Variants in LYRM4 observed in about 807,000 individuals in gnomAD.
The protein encoded by LYRM4 is LYR motif containing 4, also known as LYR motif-containing protein 4.
LYRM4 carries 9 observed loss-of-function variants against 11.7 expected under a neutral mutation model. The observed-to-expected ratio is 0.77, with a 90% CI of 0.46 to 1.34. The LOEUF (loss-of-function observed/expected upper bound fraction) is 1.34, where lower values mean the gene tolerates loss of function less well. LYRM4 is among the 40% of genes most tolerant of loss of function. The pLI is 0.00. For missense variants in LYRM4, 133 were observed against 112.5 expected, an observed-to-expected ratio of 1.18 and a Z score of -0.82; for synonymous variants, 42 against 40.4, an observed-to-expected ratio of 1.04 and a Z score of -0.15.
intron 1 of LYRM4, among the ~76,000 whole-genome samples, chr6:5,245,106 AAAAAAAAATATATATATAT>A (rs1266203709): frequency 4.8e-4 from 25 of 52,382 alleles, no homozygotes; most frequent in African/African-American, 1.7e-3. Context: ...AAAAAAAAAA[AAAAAAAAATATATATATAT>A]ATATATATAT....
At chr6:5,147,624 G>C (rs773968473) in intron 2 of LYRM4, among the ~76,000 whole-genome samples, 6 of 152,160 alleles carry the variant, frequency 3.9e-5, no homozygotes, top group African/African-American at 1.4e-4. Context: ...TTTATACATG[G>C]ATTCCTTTTC....
downstream of LYRM4, among the ~76,000 whole-genome samples, chr6:5,100,482 C>A (rs927949669): frequency 1.3e-5 from 2 of 152,016 alleles, no homozygotes; most frequent in African/African-American, 4.8e-5. Context: ...AGCAAGAATC[C>A]CAGACAGAAA....
chr6:5,124,128 G>T (rs1250517556), intron 2 of LYRM4, among the ~76,000 whole-genome samples: 16 of 152,162 alleles, frequency 1.1e-4, no homozygotes, highest in Admixed American at 1.0e-3. Context: ...AGGGCCTGGG[G>T]AATTGGCTGG....
At chr6:5,205,176 C>T (rs554680281) in intron 2 of LYRM4, among the ~76,000 whole-genome samples, 7 of 152,252 alleles carry the variant, frequency 4.6e-5, no homozygotes, top group African/African-American at 1.4e-4. Flanking sequence ...AGCAAAGTCA[C>T]AATAAAGTGT....
chr6:5,045,176 C>T, the LYRM4 span, among the ~76,000 whole-genome samples: 2 of 152,180 alleles, frequency 1.3e-5, no homozygotes, highest in Non-Finnish European at 2.9e-5. Context: ...ATCCTCCCAG[C>T]AGCATTATTC....
chr6:5,113,706 A>C (rs1762988264), intron 2 of LYRM4, among the ~76,000 whole-genome samples: 1 of 149,462 alleles, frequency 6.7e-6, no homozygotes, highest in Non-Finnish European at 1.5e-5. Flanking sequence ...ACCAGGTCCC[A>C]ACAATTTCTT....
intron 2 of LYRM4, among the ~76,000 whole-genome samples, chr6:5,193,576 GGA>G (rs1204104417): frequency 6.6e-6 from 1 of 152,196 alleles, no homozygotes; most frequent in Non-Finnish European, 1.5e-5. Flanking sequence ...GAAGTCAGAG[GGA>G]GAGTAAAGCA....
In LYRM4 at chr6:5,136,521, C is replaced by G. The variant is rs1757110094; in HGVS notation, c.208-27030G>C. On this transcript the variant is annotated intron_variant, in intron 2 of 2. Transcript: ENST00000330636. The stretch of plus-strand genomic sequence containing the variant: ...CCTGTAGTCTCAGTTTCCTTACCTA[C>G]AGAATGGGATAATGTCAATTTTACA... 4 of 952,440 alleles carry G rather than the reference C, an allele frequency of 4.2e-6. No individual in the cohort carries two copies. In the Admixed American group the frequency reaches 2.5e-4, roughly 59 times the overall value. The allele number at this position is 952,440 out of a possible 1,614,324, so 59.0% of individuals were successfully genotyped here.
At chr6:5,179,285 T>C (rs1326239985) in intron 2 of LYRM4, among the ~76,000 whole-genome samples, 2 of 152,196 alleles carry the variant, frequency 1.3e-5, no homozygotes, top group Non-Finnish European at 2.9e-5. Context: ...ACTGCAATTA[T>C]GTGTAATTTC....
At chr6:5,101,827 A>T (rs1388954929), downstream of LYRM4, among the ~76,000 whole-genome samples, 1 of 150,288 alleles carries the variant, frequency 6.7e-6, no homozygotes, top group Admixed American at 6.6e-5. Context: ...CTTTTTTTTC[A>T]CTCTGTCCCC....
intron 2 of LYRM4, among the ~76,000 whole-genome samples, chr6:5,194,036 G>C (rs1173579554): frequency 7.6e-6 from 1 of 131,972 alleles, no homozygotes; most frequent in Non-Finnish European, 1.6e-5. Flanking sequence ...ATTAGGCAGG[G>C]TTCTCCAGAG....
intron 2 of LYRM4, among the ~76,000 whole-genome samples, chr6:5,113,752 A>G (rs1312650840): frequency 6.7e-6 from 1 of 149,836 alleles, no homozygotes; most frequent in African/African-American, 2.5e-5. Context: ...TTTTTTTTAG[A>G]GACAGGTTCT....
chr6:5,078,106 G>A, the LYRM4 span, among the ~76,000 whole-genome samples: 39 of 152,304 alleles, frequency 2.6e-4, no homozygotes, highest in African/African-American at 7.7e-4. Context: ...GTAAACATAA[G>A]TAAAGCACAT....
chr6:5,126,462 G>A (rs1253188023), intron 2 of LYRM4, among the ~76,000 whole-genome samples: 2 of 152,212 alleles, frequency 1.3e-5, no homozygotes, highest in African/African-American at 4.8e-5. Flanking sequence ...GAAGTACAGT[G>A]CAAGAATGAT....
chr6:5,196,639 G>C (rs1425350592), intron 2 of LYRM4, among the ~76,000 whole-genome samples: 1 of 152,156 alleles, frequency 6.6e-6, no homozygotes, highest in Admixed American at 6.5e-5. Context: ...AAACATATTT[G>C]CATTAATCTA....
At chr6:5,063,791 C>T in the LYRM4 span, among the ~76,000 whole-genome samples, 1 of 152,228 alleles carries the variant, frequency 6.6e-6, no homozygotes, top group African/African-American at 2.4e-5. Context: ...CCCAGCCCCT[C>T]TTCAGGCTGC....
In LYRM4 at chr6:5,130,215, G is replaced by C. The variant is rs1339686992; in HGVS notation, c.208-20724C>G. ...CGTGGGCTGCAGGGGGAGTTCATGA[G>C]AGCTTTCCTCCTGGTGGACCATGCA... On this transcript the variant is annotated intron_variant, in intron 2 of 2. Transcript: ENST00000330636. 3.9e-5 allele frequency among the ~76,000 whole-genome samples: 6 copies of C among 152,340 alleles called. No homozygotes were observed. In the South Asian group the frequency reaches 1.2e-3, roughly 32 times the overall value.
At position 5,151,876 on chromosome 6, in the gene LYRM4, T is replaced by A. The variant is rs75407480; in HGVS notation, c.208-42385A>T. Among the ~76,000 whole-genome samples the A allele has an allele frequency of 3.0e-4, 46 of 152,338 alleles. No homozygotes were observed. In the East Asian group the frequency reaches 8.7e-3, roughly 29 times the overall value. ...TAACAAATAGAAGATAAGTTTTTCC[T>A]TGTTCTTTTCTACCAGTATTTTTCC... On this transcript the variant is annotated intron_variant, in intron 2 of 2. Coordinates refer to ENST00000330636, the MANE Select transcript of LYRM4 (RefSeq NM_020408.6).
the LYRM4 span, among the ~76,000 whole-genome samples, chr6:5,089,935 GT>G: frequency 6.6e-6 from 1 of 151,966 alleles, no homozygotes; most frequent in South Asian, 2.1e-4. Context: ...GGTTTTCTTT[GT>G]TTTTGAAAAG....
Sources: gnomAD v4.1 joint callset for allele counts (sites outside exome capture counted in the v4.1 genomes callset) on GRCh38, gnomAD v4.1.1 for gene constraint, MANE v1.5 for transcripts, NCBI Gene and HGNC (gene_info 2026-07-23, HGNC 2026-07-21) for gene names.